TSHR: variants seen among roughly 807,000 people sequenced by gnomAD.
TSHR encodes thyrotropin receptor.
Under a neutral mutation model 64.1 loss-of-function variants are expected in TSHR, and 51 were observed. The observed-to-expected ratio is 0.80, with a 90% CI of 0.64 to 1.01. The LOEUF is 1.01. Ranked by LOEUF, TSHR falls within the 50% of genes least tolerant of loss-of-function variation. The pLI is 0.00. For synonymous variants in TSHR, 361 were observed against 361.9 expected, an observed-to-expected ratio of 1.00 and a Z score of 0.03; for missense variants, 877 against 942.8, an observed-to-expected ratio of 0.93 and a Z score of 0.91.
chr14:81,096,339 T>C (rs917361815), intron 6 of TSHR, among the ~76,000 whole-genome samples: 3 of 152,222 alleles, frequency 2.0e-5, no homozygotes, highest in African/African-American at 7.2e-5. Flanking sequence ...TCTGAATGTA[T>C]GTGGAATATT....
intron 2 of TSHR, among the ~76,000 whole-genome samples, chr14:81,066,589 T>A (rs1279159873): frequency 6.6e-6 from 1 of 152,218 alleles, no homozygotes; most frequent in Non-Finnish European, 1.5e-5. Flanking sequence ...AGCACTCCTC[T>A]TGTAAACATT....
At chr14:81,047,847 C>T (rs910598419) in intron 1 of TSHR, among the ~76,000 whole-genome samples, 11 of 151,970 alleles carry the variant, frequency 7.2e-5, no homozygotes, top group South Asian at 4.2e-4. Flanking sequence ...CGGGTTTCAC[C>T]GTGTTAGCCA....
chr14:81,062,673 C>G (rs572905401), intron 2 of TSHR, among the ~76,000 whole-genome samples: 2 of 151,994 alleles, frequency 1.3e-5, no homozygotes, highest in Non-Finnish European at 2.9e-5. Flanking sequence ...AGATCTCTCA[C>G]GTTAAAAGAG....
intron 7 of TSHR, among the ~76,000 whole-genome samples, chr14:81,101,299 A>T (rs1273659610): frequency 3.3e-5 from 5 of 152,168 alleles, no homozygotes; most frequent in African/African-American, 1.2e-4. Context: ...AAATGATCAG[A>T]TGGCCTTCTG....
intron 3 of TSHR, among the ~76,000 whole-genome samples, chr14:81,075,601 C>T (rs1314053330): frequency 3.3e-5 from 5 of 150,530 alleles, no homozygotes; most frequent in South Asian, 2.1e-4. Flanking sequence ...CCCACTAACT[C>T]GTCATCTAGC....
intron 2 of TSHR, among the ~76,000 whole-genome samples, chr14:81,064,259 G>A (rs1044629519): frequency 6.6e-6 from 1 of 152,090 alleles, no homozygotes; most frequent in Non-Finnish European, 1.5e-5. Context: ...CATTGAGTGG[G>A]AATAATGAAA....
chr14:81,142,890 A>C, intron 9 of TSHR, 50 bp from the exon 10 acceptor site: 1 of 1,559,430 alleles, frequency 6.4e-7, no homozygotes, highest in Non-Finnish European at 8.8e-7. Context: ...GATTACAGTC[A>C]TGAGCCACTG....
chr14:80,955,970 G>GT, intron 1 of TSHR, 120 bp downstream of exon 1: 1 of 1,202,828 alleles, frequency 8.3e-7, no homozygotes, highest in Non-Finnish European at 1.2e-6. Flanking sequence ...GTGTGTATGT[G>GT]TGAGTGAATG....
intron 2 of TSHR, 113 bp from the exon 3 acceptor site, chr14:81,068,141 A>G: frequency 1.0e-6 from 1 of 955,582 alleles, no homozygotes. Flanking sequence ...TGAGGGTTGT[A>G]CATGTTGCAT....
rs778773035 is a variant in TSHR, at chr14:81,087,949, T to C, written c.318-5T>C. 1.1e-5 allele frequency: 17 copies of C among 1,607,688 alleles called. No homozygotes were observed. Among genetic ancestry groups the C allele is most frequent in the South Asian group, 5.5e-5 (5 of 90,996 alleles). On this transcript the variant is annotated splice_region_variant and splice_polypyrimidine_tract_variant and intron_variant, in intron 3 of 9. Coordinates refer to ENST00000298171, the MANE Select transcript of TSHR (RefSeq NM_000369.5). Reference sequence around the variant, plus strand: ...TAGTGACTGTGTTCCTTGTAACTTATACAGAGAAATTCGGAATACCAGGAA... The same window carrying C: ...TAGTGACTGTGTTCCTTGTAACTTACACAGAGAAATTCGGAATACCAGGAA...
intron 5 of TSHR, among the ~76,000 whole-genome samples, chr14:81,092,028 A>C (rs908540712): frequency 6.6e-6 from 1 of 152,264 alleles, no homozygotes; most frequent in Non-Finnish European, 1.5e-5. Context: ...GTTGCAAAAG[A>C]GCTCAGTTCA....
intron 1 of TSHR, among the ~76,000 whole-genome samples, chr14:81,059,168 T>C (rs2139886522): frequency 6.6e-6 from 1 of 152,312 alleles, no homozygotes; most frequent in African/African-American, 2.4e-5. Flanking sequence ...GCTCTCTAAA[T>C]AAATATGATG....
At chr14:81,041,461 T>C (rs949937681) in intron 1 of TSHR, among the ~76,000 whole-genome samples, 24 of 152,062 alleles carry the variant, frequency 1.6e-4, no homozygotes, top group Admixed American at 9.2e-4. Context: ...AAGTGGGAAC[T>C]AAATAATGAG....
chr14:81,021,947 G>A (rs1381732851), intron 1 of TSHR, among the ~76,000 whole-genome samples: 4 of 152,204 alleles, frequency 2.6e-5, no homozygotes, highest in South Asian at 2.1e-4. Context: ...CCAATGCATG[G>A]ACTTGAAAGT....
intron 1 of TSHR, among the ~76,000 whole-genome samples, chr14:80,967,402 A>G (rs1701657941): frequency 1.3e-5 from 2 of 150,286 alleles, no homozygotes; most frequent in African/African-American, 4.9e-5. Context: ...CTCCTGCCTC[A>G]GCCTCCCTAG....
At chr14:81,092,717 T>C (rs1888850680) in intron 6 of TSHR, 109 bp downstream of exon 6, 1 of 980,300 alleles carries the variant, frequency 1.0e-6, no homozygotes, top group Non-Finnish European at 1.6e-6. Context: ...ATATACTCTA[T>C]AGAGTACAAA....
chr14:81,123,661 T>C (rs1460214331), intron 8 of TSHR, among the ~76,000 whole-genome samples: 1 of 152,220 alleles, frequency 6.6e-6, no homozygotes, highest in Non-Finnish European at 1.5e-5. Context: ...TCACGTCTAA[T>C]AGTCTAAAAA....
At chr14:81,008,619 A>G (rs1254171865) in intron 1 of TSHR, among the ~76,000 whole-genome samples, 1 of 152,224 alleles carries the variant, frequency 6.6e-6, no homozygotes, top group Non-Finnish European at 1.5e-5. Flanking sequence ...AAGGCAAAAT[A>G]AATGAATTTC....
At chr14:81,011,364 G>T (rs373652500) in intron 1 of TSHR, among the ~76,000 whole-genome samples, 1 of 151,988 alleles carries the variant, frequency 6.6e-6, no homozygotes, top group Admixed American at 6.6e-5. Context: ...GTTATTAGTT[G>T]TCTGTTCAGG....
Sources: gnomAD v4.1 joint callset for allele counts (sites outside exome capture counted in the v4.1 genomes callset) on GRCh38, gnomAD v4.1.1 for gene constraint, MANE v1.5 for transcripts, NCBI Gene and HGNC (gene_info 2026-07-23, HGNC 2026-07-21) for gene names.